CSPG4: variants seen among roughly 807,000 people sequenced by gnomAD.
The protein encoded by CSPG4 is chondroitin sulfate proteoglycan 4 (melanoma-associated).
Under a neutral mutation model 139.3 loss-of-function variants are expected in CSPG4, and 74 were observed. That is an observed-to-expected ratio of 0.53 (90% CI 0.44 to 0.64). The LOEUF is 0.64. Ranked by LOEUF, CSPG4 falls within the 30% of genes least tolerant of loss-of-function variation. The pLI, the probability that CSPG4 is intolerant of heterozygous loss-of-function variation, is 0.00. For synonymous variants in CSPG4, 1,234 were observed against 1,394.2 expected, an observed-to-expected ratio of 0.89 and a Z score of 2.56; for missense variants, 2,565 against 3,148.3, an observed-to-expected ratio of 0.81 and a Z score of 4.43.
At chr15:75,704,430 G>C (rs1894343409) in intron 1 of CSPG4, among the ~76,000 whole-genome samples, 1 of 152,182 alleles carries the variant, frequency 6.6e-6, no homozygotes, top group Admixed American at 6.5e-5. Flanking sequence ...GCTCAGCCAG[G>C]CTCCAGATGG....
intron 3 of CSPG4, among the ~76,000 whole-genome samples, chr15:75,686,742 G>C (rs1266449296): frequency 3.3e-5 from 5 of 152,024 alleles, no homozygotes; most frequent in African/African-American, 7.2e-5. Context: ...GGCCAAGAGC[G>C]GGCAAGGACT....
At chr15:75,685,143 C>T (rs1483449544) in intron 4 of CSPG4, 76 bp downstream of exon 4, 54 of 1,490,694 alleles carry the variant, frequency 3.6e-5, no homozygotes, top group Non-Finnish European at 4.6e-5. Context: ...AACCCCCAGA[C>T]TGGGAGTCCC....
chr15:75,679,299 A>G (rs1195084297), intron 8 of CSPG4: 1 of 153,032 alleles, frequency 6.5e-6, no homozygotes, highest in African/African-American at 2.4e-5. Flanking sequence ...ACACCCTTGG[A>G]ACCACCCTTG....
In CSPG4 at chr15:75,689,641, C is replaced by T. The variant is rs1430850962; in HGVS notation, c.1424G>A (p.Gly475Glu). 1.6e-5 allele frequency: 26 copies of T among 1,612,910 alleles called. No homozygotes were observed. The highest frequency in any genetic ancestry group is 2.1e-5 in the Non-Finnish European group (25 of 1,179,862). Residue 475 changes from glycine (G) to glutamate (E), a missense_variant, in exon 3 of 10, where the codon GGG becomes GAG. By Grantham distance (98) the Gly-to-Glu change is moderately conservative. Transcript: ENST00000308508. ...KSQVLFSVTRGARHGELELDI... is the reference protein window; with the variant it reads ...KSQVLFSVTREARHGELELDI... ...CAGCTCGAGCTCGCCATGGCGTGCC[C>T]CTCGGGTCACGCTGAACAGCACCTG...
chr15:75,677,978 C>T (rs1263779576), intron 8 of CSPG4, 92 bp from the exon 9 acceptor site: 1 of 1,262,068 alleles, frequency 7.9e-7, no homozygotes, highest in African/African-American at 1.5e-5. Flanking sequence ...CCACTCTGGG[C>T]TCTCCTGGGT....
At position 75,694,241 on chromosome 15, in the gene CSPG4, G is replaced by A. The variant is rs144713619; in HGVS notation, c.89-1008C>T. Among the ~76,000 whole-genome samples, 244 of 152,360 alleles carry A rather than the reference G, an allele frequency of 1.6e-3. 1 individual carries two copies. Among genetic ancestry groups the A allele is most frequent in the Non-Finnish European group, 2.5e-3 (172 of 68,028 alleles). On this transcript the variant is annotated intron_variant, in intron 1 of 9. Coordinates refer to ENST00000308508, the MANE Select transcript of CSPG4 (RefSeq NM_001897.5). The stretch of plus-strand genomic sequence containing the variant: ...GGTTAGTGGTTCCTATGCAGGGCCC[G>A]TTCTGTCCCATACTGGGACTCCTCC...
chr15:75,681,127 TGTGGGGAGGGGGCCATAGCAGGA>T (rs1239209365), intron 8 of CSPG4, among the ~76,000 whole-genome samples: 1 of 152,084 alleles, frequency 6.6e-6, no homozygotes, highest in Non-Finnish European at 1.5e-5. Flanking sequence ...AATATCTCAT[TGTGGGGAGGGGGCCATAGCAGGA>T]GTGGGGAGCC....
chr15:75,709,062 A>G (rs1894411074), intron 1 of CSPG4, among the ~76,000 whole-genome samples: 1 of 152,160 alleles, frequency 6.6e-6, no homozygotes. Context: ...GAGCACAGCA[A>G]TAAGACAGCT....
Position 75,677,059 on chromosome 15 carries a change from G to A in CSPG4, c.5460C>T (p.Ala1820=). 1 of 1,418,856 alleles carries A rather than the reference G, an allele frequency of 7.0e-7. No individual in the cohort carries two copies. The highest frequency in any genetic ancestry group is 1.6e-5 in the South Asian group (1 of 60,774). 87.9% of individuals were successfully genotyped at this position (1,418,856 alleles called of 1,614,324 possible). ...ASVAGPQTSE[A]FAITVRDVNE... ...TTACATCCCTCACCGTGATGGCAAA[G>A]GCCTCTGAGGTTTGGGGTCCAGCCA... is the stretch of plus-strand genomic sequence containing the variant. The change falls in exon 10 of 10, where the codon GCC becomes GCT. Residue 1820 remains alanine, a synonymous_variant. Coordinates refer to ENST00000308508, the MANE Select transcript of CSPG4 (RefSeq NM_001897.5).
Position 75,697,196 on chromosome 15 carries a change from C to T in CSPG4, c.89-3963G>A, listed in dbSNP as rs536284924. 8.5e-5 allele frequency among the ~76,000 whole-genome samples: 13 copies of T among 152,336 alleles called. No homozygotes were observed. In the East Asian group the frequency reaches 2.3e-3, roughly 27 times the overall value. ...GCTGCCTGTGTCCCTGTATCTGCCC[C>T]ATCTCTCCTTCGCCTCCGGCCATCC... is the stretch of plus-strand genomic sequence containing the variant. On this transcript the variant is annotated intron_variant, in intron 1 of 9. Coordinates refer to ENST00000308508, the MANE Select transcript of CSPG4 (RefSeq NM_001897.5).
chr15:75,680,936 GT>G (rs1893966048), intron 8 of CSPG4, among the ~76,000 whole-genome samples: 1 of 152,160 alleles, frequency 6.6e-6, no homozygotes, highest in South Asian at 2.1e-4. Flanking sequence ...TGACCCCCTG[GT>G]GTCCATTCAG....
chr15:75,681,180 G>C lies in CSPG4; in HGVS notation c.4950+1113C>G, dbSNP rs937774127. ...GGAGCCAGGGAAATACAGAACCTGG[G>C]ACTGGGAGGTGTTGATGTGAGAAGC... On this transcript the variant is annotated intron_variant, in intron 8 of 9. Transcript: ENST00000308508. 1.7e-4 allele frequency among the ~76,000 whole-genome samples: 26 copies of C among 152,318 alleles called. No homozygotes were observed. The East Asian group carries it at 2.9e-3, about 17-fold the overall frequency.
intron 1 of CSPG4, among the ~76,000 whole-genome samples, chr15:75,703,645 C>T (rs1279924329): frequency 2.7e-5 from 4 of 150,406 alleles, no homozygotes; most frequent in African/African-American, 7.4e-5. Flanking sequence ...TGGGCACGGC[C>T]GGGACCTTGA....
intron 1 of CSPG4, among the ~76,000 whole-genome samples, chr15:75,699,307 A>G (rs983720468): frequency 2.6e-5 from 4 of 152,336 alleles, no homozygotes; most frequent in South Asian, 2.1e-4. Flanking sequence ...GCCAAGAGAC[A>G]CACACTCAGG....
chr15:75,688,181 T>C lies in CSPG4; in HGVS notation c.2884A>G (p.Asn962Asp). 1 of 1,612,822 alleles carries C rather than the reference T, an allele frequency of 6.2e-7. No homozygotes were observed. Among genetic ancestry groups the C allele is most frequent in the Non-Finnish European group, 8.5e-7 (1 of 1,179,824 alleles). ...DKTTMVTSFT[N>D]EDLLRGRLVY... The stretch of plus-strand genomic sequence containing the variant: ...AGCCGGCCACGCAACAGGTCTTCAT[T>C]GGTGAAGGATGTCACCATAGTGGTC... The change falls in exon 3 of 10, where the codon AAT becomes GAT. Residue 962 changes from asparagine to aspartate, a missense_variant. This residue lies in a region of CSPG4 where 2,316 missense variants were observed against 2,818.2 expected (regional missense o/e 0.82). Coordinates refer to ENST00000308508, the MANE Select transcript of CSPG4 (RefSeq NM_001897.5).
intron 1 of CSPG4, among the ~76,000 whole-genome samples, chr15:75,700,775 A>G (rs973968474): frequency 1.3e-5 from 2 of 152,094 alleles, no homozygotes; most frequent in Non-Finnish European, 2.9e-5. Context: ...GTCTGGAGAT[A>G]GTGAGTGTGT....
Position 75,693,030 on chromosome 15 carries a change from ACCCCGAATCCCG to A in CSPG4, c.252+28_252+39del, listed in dbSNP as rs764942751. 3 of 1,018,088 alleles carry A rather than the reference ACCCCGAATCCCG, an allele frequency of 2.9e-6. No individual in the cohort carries two copies. In the South Asian group the frequency reaches 4.8e-5, roughly 16 times the overall value. The allele number at this position is 1,018,088 out of a possible 1,614,324, so 63.1% of individuals were successfully genotyped here. A position where few individuals can be genotyped will look rare whatever the true frequency, so the allele number is the denominator to read the frequency against. ...CACTCAAAGCTAGAGAAGGAATCCC[ACCCCGAATCCCG>A]CCCAGATCTCAGGGGGACGTCACTC... On this transcript the variant is annotated intron_variant, in intron 2 of 9. Transcript: ENST00000308508.
intron 1 of CSPG4, 129 bp downstream of exon 1, chr15:75,712,539 G>A (rs1894459770): frequency 1.2e-6 from 1 of 862,222 alleles, no homozygotes; most frequent in South Asian, 1.6e-5. Context: ...CCAGCTAGTG[G>A]TGGGAGAAGC....
At position 75,677,195 on chromosome 15, in the gene CSPG4, AG is replaced by A. The variant is rs777371034; in HGVS notation, c.5323del (p.Leu1775CysfsTer10). 6.9e-7 allele frequency: 1 copy of A among 1,446,222 alleles called. No homozygotes were observed. Among genetic ancestry groups the A allele is most frequent in the South Asian group, 1.6e-5 (1 of 64,328 alleles). The allele number at this position is 1,446,222 out of a possible 1,614,324, so 89.6% of individuals were successfully genotyped here. ...EPLHAGQPHF[L>X]QSQLAAGQLV... ...CTGCCCTGCAGCCAGCTGGGACTGC[AG>A]GAAGTGGGGCTGCCCAGCATGGAGG... On this transcript the variant is annotated frameshift_variant, in exon 10 of 10. Transcript: ENST00000308508. LOFTEE classifies it low-confidence loss of function (END_TRUNC).
Sources: gnomAD v4.1 joint callset for allele counts (sites outside exome capture counted in the v4.1 genomes callset) on GRCh38, gnomAD v4.1.1 for gene constraint, gnomAD v4.1.1 regional missense constraint, MANE v1.5 for transcripts, NCBI Gene and HGNC (gene_info 2026-07-23, HGNC 2026-07-21) for gene names.